Variants in RABGAP1 observed in about 807,000 individuals in gnomAD.
RABGAP1 encodes RAB GTPase activating protein 1, also known as rab GTPase-activating protein 1.
In RABGAP1, 23 loss-of-function variants were observed where a neutral mutation model predicts 137.6. The ratio of observed to expected loss-of-function variants is 0.17; its 90% CI spans 0.12 to 0.24. RABGAP1 has a LOEUF of 0.24. RABGAP1 is among the 10% of genes least tolerant of loss of function. The pLI is 1.00. For synonymous variants in RABGAP1, 451 were observed against 450.7 expected, an observed-to-expected ratio of 1.00 and a Z score of -0.01; for missense variants, 906 against 1,275.8, an observed-to-expected ratio of 0.71 and a Z score of 4.42.
intron 1 of RABGAP1, among the ~76,000 whole-genome samples, chr9:122,949,374 G>C (rs558720489): frequency 6.6e-6 from 1 of 152,198 alleles, no homozygotes; most frequent in African/African-American, 2.4e-5. Flanking sequence ...TTAGCCAGGC[G>C]TGGTGGCGGG....
At chr9:122,971,824 A>C (rs1345320975) in intron 2 of RABGAP1, 1 of 152,232 alleles carries the variant, frequency 6.6e-6, no homozygotes, top group Non-Finnish European at 1.5e-5. Context: ...TTAAGATGAG[A>C]AGGACCAACC....
At chr9:122,974,117 AGTG>A (rs1343762896) in intron 2 of RABGAP1, among the ~76,000 whole-genome samples, 1 of 152,186 alleles carries the variant, frequency 6.6e-6, no homozygotes, top group Non-Finnish European at 1.5e-5. Context: ...AGAGGGTTAT[AGTG>A]GTGGTGGCAG....
At chr9:123,034,324 T>G (rs1287793397) in intron 13 of RABGAP1, 3 of 542,400 alleles carry the variant, frequency 5.5e-6, no homozygotes, top group African/African-American at 1.9e-5. Context: ...AACCTGGCAC[T>G]ATGGCCGCGT....
chr9:122,975,404 A>G (rs1219764397), intron 2 of RABGAP1, among the ~76,000 whole-genome samples: 3 of 152,212 alleles, frequency 2.0e-5, no homozygotes, highest in African/African-American at 7.2e-5. Context: ...CCTTTGGAAC[A>G]TTTTGTCCTT....
intron 1 of RABGAP1, among the ~76,000 whole-genome samples, chr9:122,946,981 T>A (rs1216399872): frequency 1.3e-5 from 2 of 152,156 alleles, no homozygotes; most frequent in Admixed American, 1.3e-4. Flanking sequence ...GAAGGAGTGA[T>A]TAAGTAGCTT....
At chr9:123,056,503 G>C (rs1413111916) in intron 13 of RABGAP1, among the ~76,000 whole-genome samples, 1 of 135,876 alleles carries the variant, frequency 7.4e-6, no homozygotes. Flanking sequence ...TTTTTTAATT[G>C]ATCATTCTTG....
At chr9:122,997,808 T>C (rs1472360281) in intron 9 of RABGAP1, among the ~76,000 whole-genome samples, 2 of 152,240 alleles carry the variant, frequency 1.3e-5, no homozygotes, top group Non-Finnish European at 2.9e-5. Flanking sequence ...ATATTTCATA[T>C]GCTCTTTGAA....
chr9:123,092,135 TTTTAG>T lies in RABGAP1; in HGVS notation c.2628+1754_2628+1758del, dbSNP rs1212907224. Among the ~76,000 whole-genome samples, 11 of 152,296 alleles carry T rather than the reference TTTTAG, an allele frequency of 7.2e-5. No individual in the cohort carries two copies. In the East Asian group the frequency reaches 2.1e-3, roughly 29 times the overall value. On this transcript the variant is annotated intron_variant, in intron 21 of 25. Coordinates refer to ENST00000373647, the MANE Select transcript of RABGAP1 (RefSeq NM_012197.4). ...GCTTAGGCTAAAATTCCAGGTGGATTTTTAGTTTGAGCTGTTGTATTTTCCAGTCT... is the reference window on the plus strand; with the variant it reads ...GCTTAGGCTAAAATTCCAGGTGGATTTTTGAGCTGTTGTATTTTCCAGTCT...
At chr9:123,049,633 T>G (rs2033370606) in intron 13 of RABGAP1, among the ~76,000 whole-genome samples, 1 of 152,222 alleles carries the variant, frequency 6.6e-6, no homozygotes, top group Non-Finnish European at 1.5e-5. Flanking sequence ...TTTCATTTGG[T>G]TTAAATGTGA....
At chr9:122,965,899 T>C (rs960247063) in intron 2 of RABGAP1, among the ~76,000 whole-genome samples, 4 of 152,220 alleles carry the variant, frequency 2.6e-5, no homozygotes, top group Admixed American at 2.6e-4. Flanking sequence ...AAATGTGCTC[T>C]GATTCAGAAT....
intron 2 of RABGAP1, among the ~76,000 whole-genome samples, chr9:122,967,383 A>T (rs796163699): frequency 6.6e-6 from 1 of 152,162 alleles, no homozygotes; most frequent in South Asian, 2.1e-4. Flanking sequence ...TATGGATTTT[A>T]TTGAATGATT....
At chr9:122,981,272 TGCCTTG>T (rs1836040152) in intron 2 of RABGAP1, among the ~76,000 whole-genome samples, 2 of 152,076 alleles carry the variant, frequency 1.3e-5, no homozygotes, top group South Asian at 4.1e-4. Context: ...GTAATCTGTC[TGCCTTG>T]GCCTCTCCAA....
rs749803732 is a variant in RABGAP1, at chr9:122,984,498, G to T, written c.164G>T (p.Gly55Val). The change falls in exon 3 of 26, where the codon GGA becomes GTA. Residue 55 changes from glycine to valine, a missense_variant. Around this residue, in one of 9 missense-constraint regions of RABGAP1, gnomAD observed 331 missense variants for 358.3 expected, o/e 0.92. Transcript: ENST00000373647. ...EKTGLKIVGN[G>V]SEQQLQKELA... ...TGTGACCCTTAGATTGTAGGGAATG[G>T]AAGTGAACAGCAGCTGCAAAAAGAG... 1.2e-6 allele frequency: 2 copies of T among 1,613,732 alleles called. No individual in the cohort carries two copies. Among genetic ancestry groups the T allele is most frequent in the East Asian group, 4.5e-5 (2 of 44,888 alleles).
chr9:122,971,623 AAATT>A (rs1835477068), intron 2 of RABGAP1: 1 of 152,232 alleles, frequency 6.6e-6, no homozygotes, highest in Non-Finnish European at 1.5e-5. Context: ...AAAAATGTAA[AAATT>A]AAGCCAACTA....
At chr9:123,001,977 T>C (rs143758662) in intron 10 of RABGAP1, among the ~76,000 whole-genome samples, 1 of 152,260 alleles carries the variant, frequency 6.6e-6, no homozygotes, top group East Asian at 1.9e-4. Flanking sequence ...ATTAAACTAG[T>C]TTACAAACAT....
rs1372605226 is a variant in RABGAP1 at position 123,092,225 on chromosome 9, A to T, written c.2628+1840A>T. Among the ~76,000 whole-genome samples the T allele has an allele frequency of 2.0e-5, 3 of 152,150 alleles. No individual in the cohort carries two copies. In the East Asian group the frequency reaches 5.8e-4, roughly 29 times the overall value. On this transcript the variant is annotated intron_variant, in intron 21 of 25. Coordinates refer to ENST00000373647, the MANE Select transcript of RABGAP1 (RefSeq NM_012197.4). ...GAGTCGTAGACTACTTATGTTCTTA[A>T]AACCTGCCCCTAAACAGTATAAACC...
chr9:122,958,604 A>ATGGG (rs1834672153), intron 2 of RABGAP1, among the ~76,000 whole-genome samples: 1 of 152,150 alleles, frequency 6.6e-6, no homozygotes, highest in African/African-American at 2.4e-5. Context: ...CGACAAGTTA[A>ATGGG]TGGGTGCAGC....
chr9:123,097,923 A>C, intron 22 of RABGAP1, 78 bp downstream of exon 22: 4 of 1,244,746 alleles, frequency 3.2e-6, no homozygotes, highest in Non-Finnish European at 4.5e-6. Flanking sequence ...TCCTGTTGGC[A>C]CTAGAAAACC....
chr9:122,973,330 C>T (rs1008708374), intron 2 of RABGAP1, among the ~76,000 whole-genome samples: 1 of 152,138 alleles, frequency 6.6e-6, no homozygotes, highest in Non-Finnish European at 1.5e-5. Context: ...CTCCACCTCT[C>T]GGGTTCACAC....
Sources: allele counts gnomAD v4.1 joint callset (sites outside exome capture counted in the v4.1 genomes callset), GRCh38; gene constraint gnomAD v4.1.1; regional missense constraint gnomAD v4.1.1; transcripts MANE v1.5; gene names NCBI Gene and HGNC (gene_info 2026-07-23, HGNC 2026-07-21).